Variants in SORCS2 observed in about 807,000 individuals in gnomAD.
SORCS2 encodes sortilin related VPS10 domain containing receptor 2, also known as VPS10 domain-containing receptor SorCS2.
A neutral mutation model predicts 141.6 loss-of-function variants in SORCS2; 100 were observed. The observed-to-expected ratio is 0.71, with a 90% CI of 0.60 to 0.83. The LOEUF is 0.83. Among genes scored for constraint, SORCS2 ranks in the 40% least tolerant of loss-of-function variants. The probability of loss-of-function intolerance (pLI) is 0.00; values close to 1 mark genes in which losing one functional copy is unlikely to be tolerated. For missense variants in SORCS2, 1,646 were observed against 1,560.2 expected, an observed-to-expected ratio of 1.05 and a Z score of -0.93; for synonymous variants, 789 against 676.9, an observed-to-expected ratio of 1.17 and a Z score of -2.57.
intron 1 of SORCS2, among the ~76,000 whole-genome samples, chr4:7,361,268 G>T (rs746493328): frequency 1.9e-4 from 29 of 152,216 alleles, no homozygotes; most frequent in Non-Finnish European, 2.8e-4. Flanking sequence ...TGGAAATATT[G>T]TCAAGGCAAT....
At chr4:7,295,275 G>A (rs536312699) in intron 1 of SORCS2, among the ~76,000 whole-genome samples, 72 of 141,658 alleles carry the variant, frequency 5.1e-4, no homozygotes, top group African/African-American at 1.9e-3. Context: ...ACAATGAGGC[G>A]ATTGTGCACA....
intron 2 of SORCS2, among the ~76,000 whole-genome samples, chr4:7,472,527 G>A (rs532165123): frequency 1.3e-5 from 2 of 152,188 alleles, no homozygotes; most frequent in South Asian, 2.1e-4. Context: ...TGGCTTTGAC[G>A]CCTGAATGCA....
chr4:7,455,807 G>A (rs186697372), intron 2 of SORCS2, among the ~76,000 whole-genome samples: 2 of 152,130 alleles, frequency 1.3e-5, no homozygotes, highest in African/African-American at 4.8e-5. Flanking sequence ...GCAGTGTTAG[G>A]GTCAGGCTCT....
intron 9 of SORCS2, 111 bp downstream of exon 9, chr4:7,676,340 A>C: frequency 3.7e-5 from 44 of 1,203,830 alleles, no homozygotes; most frequent in Non-Finnish European, 4.6e-5. Context: ...TAGCTGTCTC[A>C]AGGGTCTGCA....
At chr4:7,564,819 G>C (rs1410538706) in intron 3 of SORCS2, among the ~76,000 whole-genome samples, 1 of 152,222 alleles carries the variant, frequency 6.6e-6, no homozygotes, top group Non-Finnish European at 1.5e-5. Flanking sequence ...AGAAAGAAAA[G>C]AAGCAAATGG....
At chr4:7,619,160 C>T (rs1718974914) in intron 3 of SORCS2, among the ~76,000 whole-genome samples, 2 of 152,174 alleles carry the variant, frequency 1.3e-5, no homozygotes, top group African/African-American at 4.8e-5. Context: ...TACGAGGGTT[C>T]ATGAGACAAG....
At chr4:7,602,801 G>A (rs1433483164) in intron 3 of SORCS2, among the ~76,000 whole-genome samples, 3 of 152,218 alleles carry the variant, frequency 2.0e-5, no homozygotes, top group Non-Finnish European at 4.4e-5. Flanking sequence ...GGGAGGCCAA[G>A]GCAGGCGGCT....
intron 1 of SORCS2, among the ~76,000 whole-genome samples, chr4:7,198,982 C>T (rs1357454145): frequency 6.6e-6 from 1 of 152,204 alleles, no homozygotes; most frequent in Non-Finnish European, 1.5e-5. Flanking sequence ...TGCCCAGAAC[C>T]CTCCACGTGG....
chr4:7,388,512 C>G (rs1319974190), intron 1 of SORCS2, among the ~76,000 whole-genome samples: 1 of 152,186 alleles, frequency 6.6e-6, no homozygotes, highest in African/African-American at 2.4e-5. Context: ...TAAAGGGTCT[C>G]TAGTTGAAAT....
Position 7,676,189 on chromosome 4 carries a change from C to T in SORCS2, c.1301C>T (p.Ser434Leu), listed in dbSNP as rs755396266. 1.3e-6 allele frequency: 2 copies of T among 1,553,744 alleles called. No homozygotes were observed. Among genetic ancestry groups the T allele is most frequent in the East Asian group, 2.4e-5 (1 of 41,050 alleles). Residue 434 changes from serine (S) to leucine (L), a missense_variant, in exon 9 of 27, where the codon TCA becomes TTA. Coordinates refer to ENST00000507866, the MANE Select transcript of SORCS2 (RefSeq NM_020777.3). Reference sequence around the variant, plus strand: ...CTGGTGCTGCAGGACGTGCGCAGCTCACGGCAGGCGGAGGAGAGCGTGCTC... The same window carrying T: ...CTGGTGCTGCAGGACGTGCGCAGCTTACGGCAGGCGGAGGAGAGCGTGCTC... The part of the protein sequence containing the change: ...YALVLQDVRS[S>L]RQAEESVLID...
chr4:7,238,955 G>A (rs7681285), intron 1 of SORCS2, among the ~76,000 whole-genome samples: 27,595 of 152,168 alleles, frequency 0.18, 3,210 homozygotes, highest in African/African-American at 0.33. Flanking sequence ...TGGGCCATCC[G>A]TGGCTGCATC....
intron 2 of SORCS2, among the ~76,000 whole-genome samples, chr4:7,397,195 C>T (rs1408086724): frequency 6.6e-6 from 1 of 152,112 alleles, no homozygotes; most frequent in Non-Finnish European, 1.5e-5. Flanking sequence ...GGTTTATTTT[C>T]CATTTTTGGC....
At chr4:7,480,089 A>C (rs79507095) in intron 2 of SORCS2, among the ~76,000 whole-genome samples, 1 of 130,748 alleles carries the variant, frequency 7.6e-6, no homozygotes, top group East Asian at 3.3e-4. Context: ...TTGGGCAGGA[A>C]GCCCCCTTCT....
chr4:7,597,201 GGGCTATTGCAATAGGGAAGGA>G (rs1312437339), intron 3 of SORCS2, among the ~76,000 whole-genome samples: 27 of 151,500 alleles, frequency 1.8e-4, no homozygotes, highest in East Asian at 3.9e-4. Context: ...ATGGAAGAGG[GGGCTATTGCAATAGGGAAGGA>G]GGCTATTGCA....
At chr4:7,672,388 G>A (rs897940798) in intron 8 of SORCS2, among the ~76,000 whole-genome samples, 1 of 152,194 alleles carries the variant, frequency 6.6e-6, no homozygotes, top group East Asian at 1.9e-4. Flanking sequence ...TACATTCAAA[G>A]CGCTGAAAGA....
rs566357010 is a variant in SORCS2, at chr4:7,647,610, A to T, written c.814-6524A>T. ...ACAGTGGTGGGGTCTGTAGTTTTCAAGGCGAGTTCAGGAATTCATCCACTT... is the reference window on the plus strand; with the variant it reads ...ACAGTGGTGGGGTCTGTAGTTTTCATGGCGAGTTCAGGAATTCATCCACTT... On this transcript the variant is annotated intron_variant, in intron 4 of 26. Transcript: ENST00000507866. Among the ~76,000 whole-genome samples, 115 of 152,320 alleles carry T rather than the reference A, an allele frequency of 7.5e-4. 1 individual carries two copies. Among genetic ancestry groups the T allele is most frequent in the Non-Finnish European group, 1.3e-3 (89 of 68,024 alleles).
chr4:7,536,174 T>C (rs1044976852), intron 3 of SORCS2, among the ~76,000 whole-genome samples: 2 of 152,216 alleles, frequency 1.3e-5, no homozygotes, highest in Admixed American at 6.5e-5. Flanking sequence ...GGCAGCAGGC[T>C]CCACTGTTCC....
chr4:7,318,849 T>G (rs933938686), intron 1 of SORCS2, among the ~76,000 whole-genome samples: 2 of 152,204 alleles, frequency 1.3e-5, no homozygotes, highest in African/African-American at 4.8e-5. Flanking sequence ...AGAATAATTT[T>G]ATCACTCCCC....
intron 2 of SORCS2, among the ~76,000 whole-genome samples, chr4:7,527,102 A>T (rs917776675): frequency 6.6e-6 from 1 of 151,864 alleles, no homozygotes; most frequent in African/African-American, 2.4e-5. Context: ...GGCCCTGGGG[A>T]CCGCCCGCCC....
Sources: gnomAD v4.1 joint callset for allele counts (sites outside exome capture counted in the v4.1 genomes callset) on GRCh38, gnomAD v4.1.1 for gene constraint, MANE v1.5 for transcripts, NCBI Gene and HGNC (gene_info 2026-07-23, HGNC 2026-07-21) for gene names.